Variants in ARHGEF18 observed in about 807,000 individuals in gnomAD.
The protein encoded by ARHGEF18 is Rho/Rac guanine nucleotide exchange factor 18, also known as rho guanine nucleotide exchange factor 18.
In ARHGEF18, 93 loss-of-function variants were observed where a neutral mutation model predicts 155.7. The ratio of observed to expected loss-of-function variants is 0.60; its 90% CI spans 0.50 to 0.71. The LOEUF (loss-of-function observed/expected upper bound fraction) is 0.71, where lower values mean the gene tolerates loss of function less well. ARHGEF18 is among the 30% of genes least tolerant of loss of function. ARHGEF18 has a pLI of 0.00. For synonymous variants in ARHGEF18, 742 were observed against 753.1 expected (o/e 0.99, Z 0.24); for missense variants, 1,593 against 1,816.1 (o/e 0.88, Z 2.23).
chr19:7,453,472 A>G lies in ARHGEF18; in HGVS notation c.1861A>G (p.Thr621Ala), dbSNP rs763920312. ...AACTCTGCTATGTGTGGCAGCTGGC[A>G]CTGAGGACTATGAAGACCTGACCCA... The part of the protein sequence containing the change: ...ERIIQNTEAG[T>A]EDYEDLTQAL... The change falls in exon 17 of 29, where the codon ACT becomes GCT. Residue 621 changes from threonine (T) to alanine (A), a missense_variant. Coordinates refer to ENST00000668164, the MANE Select transcript of ARHGEF18 (RefSeq NM_001367823.1). 6.3e-7 allele frequency: 1 copy of G among 1,596,944 alleles called. No homozygotes were observed. The highest frequency in any genetic ancestry group is 1.1e-5 in the South Asian group (1 of 89,818).
intron 10 of ARHGEF18, among the ~76,000 whole-genome samples, chr19:7,389,927 C>T (rs924167947): frequency 2.0e-5 from 3 of 152,142 alleles, no homozygotes; most frequent in South Asian, 2.1e-4. Context: ...TGGGGCCGGG[C>T]GCGGAAGCTC....
intron 10 of ARHGEF18, among the ~76,000 whole-genome samples, chr19:7,398,250 T>C (rs896613256): frequency 1.3e-5 from 2 of 151,804 alleles, no homozygotes; most frequent in East Asian, 2.0e-4. Context: ...TTTGTATTTT[T>C]AGTAGAGGCG....
intron 10 of ARHGEF18, among the ~76,000 whole-genome samples, chr19:7,430,770 A>C (rs1048676941): frequency 2.0e-5 from 3 of 152,108 alleles, no homozygotes. Flanking sequence ...GTGCCACTGT[A>C]CTCCAGCCTG....
At position 7,440,149 on chromosome 19, in the gene ARHGEF18, C is replaced by G. The variant is rs926835571; in HGVS notation, c.968-195C>G. 1.3e-6 allele frequency: 2 copies of G among 1,551,344 alleles called. No individual in the cohort carries two copies. Among genetic ancestry groups the G allele is most frequent in the Non-Finnish European group, 1.7e-6 (2 of 1,146,938 alleles). ...AGCGGGGACAGGCACAGCGCGCTCCCCGGCCGCCCCGAGCTGTCTTTTTAC... is the reference window on the plus strand; with the variant it reads ...AGCGGGGACAGGCACAGCGCGCTCCGCGGCCGCCCCGAGCTGTCTTTTTAC... On this transcript the variant is annotated intron_variant, in intron 10 of 28. Transcript: ENST00000668164. This position sits in a 1 kb window ranked among gnomAD's most constrained non-coding sequence, Gnocchi z 5.4.
At chr19:7,446,372 T>TA (rs776625468) in intron 14 of ARHGEF18, among the ~76,000 whole-genome samples, 11 of 148,988 alleles carry the variant, frequency 7.4e-5, no homozygotes, top group East Asian at 6.1e-4. Context: ...ATGCTGTCTC[T>TA]AAAAAAAATA....
chr19:7,386,224 T>G (rs1971065913), intron 10 of ARHGEF18, among the ~76,000 whole-genome samples: 2 of 136,746 alleles, frequency 1.5e-5, no homozygotes, highest in Admixed American at 1.5e-4. Context: ...GACGGGCTCT[T>G]GCTATGTTGC....
intron 10 of ARHGEF18, among the ~76,000 whole-genome samples, chr19:7,408,209 T>G (rs1374935473): frequency 6.6e-6 from 1 of 151,476 alleles, no homozygotes; most frequent in African/African-American, 2.4e-5. Flanking sequence ...ACTCGGGAGG[T>G]TGAAGTTGCA....
At position 7,379,179 on chromosome 19, in the gene ARHGEF18, C is replaced by T. The variant is rs1414473543; in HGVS notation, c.644+13C>T. 57 of 1,232,132 alleles carry T rather than the reference C, an allele frequency of 4.6e-5. No individual in the cohort carries two copies. In the East Asian group the frequency reaches 5.4e-4, roughly 12 times the overall value. 76.3% of individuals were successfully genotyped at this position (1,232,132 alleles called of 1,614,324 possible). A position where few individuals can be genotyped will look rare whatever the true frequency, so the allele number is the denominator to read the frequency against. On this transcript the variant is annotated intron_variant, in intron 7 of 28. Coordinates refer to ENST00000668164, the MANE Select transcript of ARHGEF18 (RefSeq NM_001367823.1). ...GACAGTACCATGGGTAAGTGGGAAT[C>T]GGGACAGGCTTGAGGGGAGCAAAGT...
intron 10 of ARHGEF18, among the ~76,000 whole-genome samples, chr19:7,418,699 C>T (rs1209772500): frequency 6.6e-6 from 1 of 152,074 alleles, no homozygotes; most frequent in Non-Finnish European, 1.5e-5. Flanking sequence ...TGAGCCCGGG[C>T]AGCGTGGCTG....
chr19:7,401,456 T>A (rs1372235195), intron 10 of ARHGEF18, among the ~76,000 whole-genome samples: 1 of 152,158 alleles, frequency 6.6e-6, no homozygotes, highest in Non-Finnish European at 1.5e-5. Flanking sequence ...TGGCTAATTT[T>A]TTTTTATTTT....
rs141173001 is a variant in ARHGEF18 at position 7,451,525 on chromosome 19, C to T, written c.1855+259C>T. The stretch of plus-strand genomic sequence containing the variant: ...TCTGGGGCTCAAGTGGTCCTTCTAC[C>T]TCAGCCTCCCAAGCACCTGGGACTA... On this transcript the variant is annotated intron_variant, in intron 16 of 28. Coordinates refer to ENST00000668164, the MANE Select transcript of ARHGEF18 (RefSeq NM_001367823.1). 5.3e-4 allele frequency among the ~76,000 whole-genome samples: 81 copies of T among 151,510 alleles called. 2 individuals are homozygous for T. Among genetic ancestry groups the T allele is most frequent in the Admixed American group, 7.3e-4 (11 of 15,164 alleles).
chr19:7,467,541 C>T lies in ARHGEF18; in HGVS notation c.3337C>T (p.Arg1113Cys). ...GGAGCGGGCCGAGCTGGAGCGCCAG[C>T]GCCAGGCCTACCAGCACGACCTGGA... ...EQERAELERQ[R>C]QAYQHDLERL... Residue 1113 changes from arginine to cysteine, a missense_variant, in exon 26 of 29, where the codon CGC (arginine) becomes TGC (cysteine). Arg to Cys is a radical substitution (Grantham distance 180, BLOSUM62 -3). Transcript: ENST00000668164. 1 of 1,461,228 alleles carries T rather than the reference C, an allele frequency of 6.8e-7. No individual in the cohort carries two copies. The highest frequency in any genetic ancestry group is 9.0e-7 in the Non-Finnish European group (1 of 1,117,246). 90.5% of individuals were successfully genotyped at this position (1,461,228 alleles called of 1,614,324 possible). A position where few individuals can be genotyped will look rare whatever the true frequency, so the allele number is the denominator to read the frequency against.
chr19:7,477,422 C>T (rs1381062354), downstream of ARHGEF18: 2 of 1,461,622 alleles, frequency 1.4e-6, no homozygotes, highest in Admixed American at 2.7e-5. Context: ...CCTCCGCTTG[C>T]CCCGGGGCAG....
At chr19:7,372,108 TG>T (rs1370456991) in intron 2 of ARHGEF18, among the ~76,000 whole-genome samples, 2 of 152,140 alleles carry the variant, frequency 1.3e-5, no homozygotes, top group East Asian at 3.9e-4. Context: ...CATGGAGCCA[TG>T]GGGGAAGCCC....
downstream of ARHGEF18, among the ~76,000 whole-genome samples, chr19:7,475,146 T>G (rs544765934): frequency 3.3e-5 from 5 of 152,096 alleles, no homozygotes; most frequent in Non-Finnish European, 5.9e-5. Flanking sequence ...GGCAGAGAAT[T>G]GCTTGAACCC....
In ARHGEF18 at chr19:7,375,410, GA is replaced by G. The variant is rs138998199; in HGVS notation, c.276-306del. ...AGGAAGGAAGGAAGAAAGGAAGGAA[GA>G]AAAGGAAGGAAGAAAGGAAGGAAGA... On this transcript the variant is annotated intron_variant, in intron 3 of 28. Coordinates refer to ENST00000668164, the MANE Select transcript of ARHGEF18 (RefSeq NM_001367823.1). Among the ~76,000 whole-genome samples the G allele has an allele frequency of 7.0e-3, 703 of 99,880 alleles. 5 individuals are homozygous for G. Among genetic ancestry groups the G allele is most frequent in the Admixed American group, 0.013 (129 of 9,618 alleles). 65.5% of individuals were successfully genotyped at this position (99,880 alleles called of 152,430 possible). A position where few individuals can be genotyped will look rare whatever the true frequency, so the allele number is the denominator to read the frequency against.
chr19:7,452,233 T>C (rs1975526691), intron 16 of ARHGEF18, among the ~76,000 whole-genome samples: 1 of 152,162 alleles, frequency 6.6e-6, no homozygotes, highest in African/African-American at 2.4e-5. Context: ...CTGTGTCACA[T>C]GACCAGGGCT....
chr19:7,473,666 C>T (rs187447269), downstream of ARHGEF18, among the ~76,000 whole-genome samples: 770 of 152,080 alleles, frequency 5.1e-3, 12 homozygotes, highest in African/African-American at 0.017. Context: ...AGAAATTAGC[C>T]GGGCGTGGTG....
chr19:7,440,390 C>A lies in ARHGEF18; in HGVS notation c.1014C>A (p.Ser338Arg), dbSNP rs751733105. ...HPRGTLLSDG[S>R]PALSRNVGMT... ...GGGGCACCCTCCTGTCCGATGGCAGCCCGGCCCTGTCCAGGAATGTCGGTA... is the reference window on the plus strand; with the variant it reads ...GGGGCACCCTCCTGTCCGATGGCAGACCGGCCCTGTCCAGGAATGTCGGTA... The change falls in exon 11 of 29, where the codon AGC (serine) becomes AGA (arginine). Residue 338 changes from serine (S) to arginine (R), a missense_variant. Coordinates refer to ENST00000668164, the MANE Select transcript of ARHGEF18 (RefSeq NM_001367823.1). The surrounding 1 kb of genome is among the most constrained non-coding windows in gnomAD (Gnocchi z 5.4). 2 of 1,609,810 alleles carry A rather than the reference C, an allele frequency of 1.2e-6. No individual in the cohort carries two copies. Among genetic ancestry groups the A allele is most frequent in the East Asian group, 4.5e-5 (2 of 44,876 alleles).
Sources: allele counts gnomAD v4.1 joint callset (sites outside exome capture counted in the v4.1 genomes callset), GRCh38; gene constraint gnomAD v4.1.1; non-coding constraint Gnocchi (gnomAD v3.1); transcripts MANE v1.5; gene names NCBI Gene and HGNC (gene_info 2026-07-23, HGNC 2026-07-21).